Variants in SPEN observed in about 807,000 individuals in gnomAD.
The protein encoded by SPEN is spen family transcriptional repressor, also known as msx2-interacting protein.
A neutral mutation model predicts 269.9 loss-of-function variants in SPEN; 18 were observed. The observed-to-expected ratio is 0.07, with a 90% CI of 0.05 to 0.10. The LOEUF (loss-of-function observed/expected upper bound fraction) is 0.10. Among genes scored for constraint, SPEN ranks in the 10% least tolerant of loss-of-function variants. SPEN has a pLI of 1.00. For synonymous variants in SPEN, 1,726 were observed against 1,765.7 expected (o/e 0.98, Z 0.56); for missense variants, 3,822 against 4,631.2 (o/e 0.83, Z 5.07).
At position 15,874,280 on chromosome 1, in the gene SPEN, C is replaced by T. The variant is rs143263475; in HGVS notation, c.404+1144C>T. ...ATCTAAATATCATTTGACACCCTTGCCCATTAAGAAGGTGGATTACCCCCA... is the reference window on the plus strand; with the variant it reads ...ATCTAAATATCATTTGACACCCTTGTCCATTAAGAAGGTGGATTACCCCCA... On this transcript the variant is annotated intron_variant, in intron 2 of 14. Coordinates refer to ENST00000375759, the MANE Select transcript of SPEN (RefSeq NM_015001.3). The T allele has an allele frequency of 3.1e-3, 4,220 of 1,366,386 alleles. 9 individuals carry two copies. The highest frequency in any genetic ancestry group is 3.8e-3 in the Non-Finnish European group (3,886 of 1,021,820). 84.6% of individuals were successfully genotyped at this position (1,366,386 alleles called of 1,614,324 possible). A position where few individuals can be genotyped will look rare whatever the true frequency, so the allele number is the denominator to read the frequency against.
In SPEN at chr1:15,938,761, G is replaced by T; in HGVS notation, c.10748G>T (p.Arg3583Leu). The T allele has an allele frequency of 6.2e-7, 1 of 1,613,858 alleles. No homozygotes were observed. The highest frequency in any genetic ancestry group is 8.5e-7 in the Non-Finnish European group (1 of 1,179,984). ...CTGCTGCTGGCTCTGCCCTGTGGCC[G>T]TGACCAAGAGGATGTTGTGAGCCAG... is the stretch of plus-strand genomic sequence containing the variant. ...YCLLLALPCG[R>L]DQEDVVSQTE... Residue 3583 changes from arginine (R) to leucine (L), a missense_variant, in exon 14 of 15, where the codon CGT (arginine) becomes CTT (leucine). Around this residue, in one of 16 missense-constraint regions of SPEN, gnomAD observed 103 missense variants for 215.8 expected, o/e 0.48. Coordinates refer to ENST00000375759, the MANE Select transcript of SPEN (RefSeq NM_015001.3).
intron 2 of SPEN, among the ~76,000 whole-genome samples, chr1:15,875,075 G>A (rs1464676786): frequency 6.6e-6 from 1 of 152,066 alleles, no homozygotes; most frequent in East Asian, 1.9e-4. Context: ...TCCAGAGATG[G>A]GTTGAAGAGA....
chr1:15,875,890 C>A (rs1433062562), intron 2 of SPEN, among the ~76,000 whole-genome samples: 1 of 152,084 alleles, frequency 6.6e-6, no homozygotes, highest in African/African-American at 2.4e-5. Context: ...GTTCCGTTAA[C>A]ATGAAAAGGA....
intron 3 of SPEN, among the ~76,000 whole-genome samples, chr1:15,879,743 T>C (rs1449894262): frequency 2.0e-5 from 3 of 151,722 alleles, no homozygotes; most frequent in Non-Finnish European, 4.4e-5. Context: ...CGATCTCGGC[T>C]CACTGCAAGC....
Position 15,848,750 on chromosome 1 carries a change from A to C in SPEN, c.83+600A>C, listed in dbSNP as rs2070303029. Among the ~76,000 whole-genome samples the C allele has an allele frequency of 6.6e-6, 1 of 152,172 alleles. No individual in the cohort carries two copies. The highest frequency in any genetic ancestry group is 1.5e-5 in the Non-Finnish European group (1 of 68,022). ...GCCTTGAAACTCACTGGGAATGGCA[A>C]ACGTTTCTCGTTTTTGCGGGGCTGG... On this transcript the variant is annotated intron_variant, in intron 1 of 14. Coordinates refer to ENST00000375759, the MANE Select transcript of SPEN (RefSeq NM_015001.3). The surrounding 1 kb of genome is among the most constrained non-coding windows in gnomAD (Gnocchi z 5.1).
intron 3 of SPEN, among the ~76,000 whole-genome samples, chr1:15,885,520 T>A (rs965920712): frequency 1.3e-5 from 2 of 152,240 alleles, no homozygotes; most frequent in African/African-American, 4.8e-5. Flanking sequence ...AATGGTTTTA[T>A]TGACTGTGTA....
In SPEN at chr1:15,935,987, CGTCCCT is replaced by C. The variant is rs752807690; in HGVS notation, c.9759_9764del (p.Val3254_Pro3255del). 4.3e-4 allele frequency: 684 copies of C among 1,589,938 alleles called. 1 individual carries two copies. In the African/African-American group the frequency reaches 6.0e-3, roughly 14 times the overall value. ...CTGCCCCCACCCCCACCCCTGCCCC[CGTCCCT>C]GTCCCTGTCCCCCTTCCTGCCCCTG... is the stretch of plus-strand genomic sequence containing the variant. On this transcript the variant is annotated inframe_deletion, in exon 11 of 15. Transcript: ENST00000375759. The surrounding 1 kb of genome is among the most constrained non-coding windows in gnomAD (Gnocchi z 7.7).
chr1:15,928,892 A>G lies in SPEN; in HGVS notation c.2652A>G (p.Lys884=). The change falls in exon 11 of 15, where the codon AAA becomes AAG. Residue 884 remains lysine (K), a synonymous_variant. Transcript: ENST00000375759. The surrounding 1 kb of genome is among the most constrained non-coding windows in gnomAD (Gnocchi z 5.7). ...CTTGCGTGGTTTTGACTCGAGTGAA[A>G]GAGAAAGAGGGAAAGGTCATTGACC... ...LMPCVVLTRV[K]EKEGKVIDHT... 1 of 1,614,208 alleles carries G rather than the reference A, an allele frequency of 6.2e-7. No homozygotes were observed. The highest frequency in any genetic ancestry group is 8.5e-7 in the Non-Finnish European group (1 of 1,180,044).
chr1:15,918,080 G>A (rs1220701127), intron 6 of SPEN, among the ~76,000 whole-genome samples: 2 of 152,222 alleles, frequency 1.3e-5, no homozygotes, highest in Admixed American at 1.3e-4. Flanking sequence ...ACCTAGATGG[G>A]TGGTATGGAA....
At chr1:15,914,169 CTGAT>C (rs1393670669) in intron 5 of SPEN, among the ~76,000 whole-genome samples, 2 of 152,096 alleles carry the variant, frequency 1.3e-5, no homozygotes, top group African/African-American at 2.4e-5. Flanking sequence ...ACATCATAGT[CTGAT>C]TGATCGAAAG....
rs2148739718 is a variant in SPEN at position 15,931,097 on chromosome 1, C to T, written c.4857C>T (p.Thr1619=). ...AAGATACAGAGAATCATCCCAAGAC[C>T]CCAGAATCTGCTCCTGAGAATAAAG... ...KQEDTENHPK[T]PESAPENKDS... is the part of the protein sequence containing the mutation. The change falls in exon 11 of 15, where the codon ACC becomes ACT. Residue 1619 remains threonine, a synonymous_variant. Transcript: ENST00000375759. The surrounding 1 kb of genome is among the most constrained non-coding windows in gnomAD (Gnocchi z 4.8). 6.2e-7 allele frequency: 1 copy of T among 1,614,128 alleles called. No individual in the cohort carries two copies. The highest frequency in any genetic ancestry group is 8.5e-7 in the Non-Finnish European group (1 of 1,180,016).
chr1:15,909,948 A>G (rs1175015375), intron 4 of SPEN, among the ~76,000 whole-genome samples: 1 of 151,686 alleles, frequency 6.6e-6, no homozygotes, highest in South Asian at 2.1e-4. Flanking sequence ...ACATGGTGAA[A>G]CCCCGTCTCT....
chr1:15,874,184 TTGTC>T lies in SPEN; in HGVS notation c.404+1051_404+1054del, dbSNP rs768621308. The T allele has an allele frequency of 1.8e-5, 25 of 1,366,594 alleles. No homozygotes were observed. In the Admixed American group the frequency reaches 4.2e-4, roughly 23 times the overall value. 84.7% of individuals were successfully genotyped at this position (1,366,594 alleles called of 1,614,324 possible). ...AGTCTGGGGGTTTGAGAGTTACAGT[TTGTC>T]TGGGACTACTTGCTTCCAGTGGAAT... On this transcript the variant is annotated intron_variant, in intron 2 of 14. Coordinates refer to ENST00000375759, the MANE Select transcript of SPEN (RefSeq NM_015001.3).
In SPEN at chr1:15,933,210, A is replaced by G. The variant is rs1486036414; in HGVS notation, c.6970A>G (p.Thr2324Ala). ...EAKGSKEVEV[T>A]LVRKDKGRQK... ...CAAAGGGTCTAAAGAAGTGGAAGTC[A>G]CTCTTGTTCGGAAAGACAAAGGGCG... Residue 2324 changes from threonine (T) to alanine (A), a missense_variant, in exon 11 of 15, where the codon ACT (threonine) becomes GCT (alanine). By Grantham distance (58) the Thr-to-Ala change is moderately conservative (BLOSUM62 0). Transcript: ENST00000375759. The surrounding 1 kb of genome is among the most constrained non-coding windows in gnomAD (Gnocchi z 5.7). 2 of 1,614,024 alleles carry G rather than the reference A, an allele frequency of 1.2e-6. No homozygotes were observed. Among genetic ancestry groups the G allele is most frequent in the East Asian group, 2.2e-5 (1 of 44,868 alleles).
chr1:15,919,622 G>A (rs2071097818), intron 8 of SPEN, 105 bp downstream of exon 8: 2 of 630,456 alleles, frequency 3.2e-6, no homozygotes, highest in South Asian at 3.0e-5. Context: ...CTTTAATAAC[G>A]AGCACATTAA....
At chr1:15,911,354 TTGCA>T in intron 5 of SPEN, 53 bp downstream of exon 5, 2 of 1,453,824 alleles carry the variant, frequency 1.4e-6, no homozygotes, top group Non-Finnish European at 1.9e-6. Context: ...ACTGTTTGTG[TTGCA>T]GTGTATGAGA....
Position 15,890,334 on chromosome 1 carries a change from C to T in SPEN, c.881+13656C>T, listed in dbSNP as rs527963156. Among the ~76,000 whole-genome samples, 9 of 151,764 alleles carry T rather than the reference C, an allele frequency of 5.9e-5. No homozygotes were observed. In the East Asian group the frequency reaches 9.7e-4, roughly 16 times the overall value. ...GCAACCTCTGCCTCCCGGGTTCAAG[C>T]GATTTTCCTGCCTCAGCCTCCCGAG... On this transcript the variant is annotated intron_variant, in intron 3 of 14. Transcript: ENST00000375759.
intron 3 of SPEN, among the ~76,000 whole-genome samples, chr1:15,894,336 G>C (rs1440024079): frequency 6.6e-6 from 1 of 152,082 alleles, no homozygotes; most frequent in Non-Finnish European, 1.5e-5. Context: ...TCTGCTTACT[G>C]CTTTCAGGGA....
At chr1:15,920,052 T>C (rs941745507) in intron 8 of SPEN, among the ~76,000 whole-genome samples, 2 of 115,132 alleles carry the variant, frequency 1.7e-5, no homozygotes, top group African/African-American at 5.7e-5. Context: ...TTGACAATGC[T>C]TTTTTTTTTT....
Sources: allele counts gnomAD v4.1 joint callset (sites outside exome capture counted in the v4.1 genomes callset), GRCh38; gene constraint gnomAD v4.1.1; regional missense constraint gnomAD v4.1.1; non-coding constraint Gnocchi (gnomAD v3.1); transcripts MANE v1.5; gene names NCBI Gene and HGNC (gene_info 2026-07-23, HGNC 2026-07-21).